The following ERCC8 variants were observed in gnomAD, a reference collection of about 807,000 sequenced individuals.
ERCC8 encodes the protein DNA excision repair protein ERCC-8.
Under a neutral mutation model 54.9 loss-of-function variants are expected in ERCC8, and 52 were observed. That is an observed-to-expected ratio of 0.95 (90% CI 0.76 to 1.19). The LOEUF (loss-of-function observed/expected upper bound fraction) is 1.19, where lower values mean the gene tolerates loss of function less well. Ranked by LOEUF, ERCC8 falls within the 50% of genes most tolerant of loss-of-function variation. The pLI is 0.00. For synonymous variants in ERCC8, 146 were observed against 157.2 expected (o/e 0.93, Z 0.53); for missense variants, 514 against 466.1 (o/e 1.10, Z -0.95).
chr5:60,928,550 CTA>C (rs1749817296), intron 2 of ERCC8, among the ~76,000 whole-genome samples: 1 of 152,098 alleles, frequency 6.6e-6, no homozygotes, highest in Admixed American at 6.6e-5. Flanking sequence ...AGAGTAGCAA[CTA>C]TGTTTTAAAA....
chr5:60,920,954 A>T (rs1251529585), intron 3 of ERCC8, among the ~76,000 whole-genome samples: 3 of 151,900 alleles, frequency 2.0e-5, no homozygotes, highest in Non-Finnish European at 4.4e-5. Context: ...TGAGGGTGGG[A>T]AGAGAGTATA....
intron 5 of ERCC8, 115 bp from the exon 6 acceptor site, chr5:60,903,831 G>T: frequency 2.1e-6 from 2 of 969,402 alleles, no homozygotes; most frequent in East Asian, 2.5e-5. Context: ...GAAATATGAA[G>T]ATATATGCCA....
At chr5:60,904,657 TATATATATATATATATATATATATATAA>T in intron 5 of ERCC8, 107 bp downstream of exon 5, 3 of 135,534 alleles carry the variant, frequency 2.2e-5, no homozygotes, top group Non-Finnish European at 4.2e-5. Flanking sequence ...TATATATATA[TATATATATATATATATATATATATATAA>T]AATTGTGATA....
intron 4 of ERCC8, among the ~76,000 whole-genome samples, chr5:60,912,899 G>A (rs997394857): frequency 1.3e-5 from 2 of 152,104 alleles, no homozygotes; most frequent in Non-Finnish European, 2.9e-5. Context: ...TACGTGTATT[G>A]ATTTGCCTAT....
At chr5:60,932,464 A>T (rs1749935535) in intron 1 of ERCC8, among the ~76,000 whole-genome samples, 1 of 152,188 alleles carries the variant, frequency 6.6e-6, no homozygotes, top group Admixed American at 6.5e-5. Context: ...GGGTGCCTTT[A>T]TGAACGGTAC....
intron 1 of ERCC8, among the ~76,000 whole-genome samples, chr5:60,942,607 A>G (rs753276959): frequency 2.6e-5 from 4 of 152,202 alleles, no homozygotes; most frequent in African/African-American, 4.8e-5. Context: ...CCTAAAGCAG[A>G]TTAGTAGTTT....
chr5:60,903,683 T>C lies in ERCC8; in HGVS notation c.515A>G (p.Asp172Gly). 1.9e-6 allele frequency: 3 copies of C among 1,612,806 alleles called. No individual in the cohort carries two copies. The highest frequency in any genetic ancestry group is 2.5e-6 in the Non-Finnish European group (3 of 1,179,298). The change falls in exon 6 of 12, where the codon GAC becomes GGC. Residue 172 changes from aspartate to glycine, a missense_variant. Asp to Gly is a moderately conservative substitution (Grantham distance 94). Transcript: ENST00000676185. ...GTGAGAACAGGATCCAGACTTCAAGTCACAAAGTTGTACTTTGGGTCCTCT... is the reference window on the plus strand; with the variant it reads ...GTGAGAACAGGATCCAGACTTCAAGCCACAAAGTTGTACTTTGGGTCCTCT... ...GTRGPKVQLC[D>G]LKSGSCSHIL...
chr5:60,874,833 T>C (rs750482217), intron 11 of ERCC8, 150 bp from the exon 12 acceptor site: 223 of 699,294 alleles, frequency 3.2e-4, no homozygotes, highest in Non-Finnish European at 5.0e-4. Context: ...AGAACAAAAA[T>C]AAGAAACAAC....
chr5:60,938,349 A>ATTTTTT lies in ERCC8; in HGVS notation c.77+6582_77+6583insAAAAAA, dbSNP rs1561519358. Among the ~76,000 whole-genome samples the ATTTTTT allele has an allele frequency of 1.8e-5, 2 of 108,768 alleles. 1 individual carries two copies. 71.4% of individuals were successfully genotyped at this position (108,768 alleles called of 152,430 possible). A position where few individuals can be genotyped will look rare whatever the true frequency, so the allele number is the denominator to read the frequency against. On this transcript the variant is annotated intron_variant, in intron 1 of 11. Coordinates refer to ENST00000676185, the MANE Select transcript of ERCC8 (RefSeq NM_000082.4). The stretch of plus-strand genomic sequence containing the variant: ...GGCCTGTAAGATAGCTACCTTTTTG[A>ATTTTTT]ATTTTTTTTTTTTTTTTTTTTTTGA...
chr5:60,894,011 G>GCAA (rs1748649645), intron 9 of ERCC8, among the ~76,000 whole-genome samples: 1 of 141,892 alleles, frequency 7.0e-6, no homozygotes, highest in Admixed American at 7.1e-5. Flanking sequence ...TTGAGACAGA[G>GCAA]TCTTGCTCTG....
Position 60,870,384 on chromosome 5 carries a change from C to A in ERCC8, c.*4231G>T, listed in dbSNP as rs1379951391. Reference sequence around the variant, plus strand: ...TCAGGCCCGGCACGGTGGCTCACGCCTGTAAATCCCAGCACTTTGGGAGGC... The same window carrying A: ...TCAGGCCCGGCACGGTGGCTCACGCATGTAAATCCCAGCACTTTGGGAGGC... On this transcript the variant is annotated 3_prime_UTR_variant, in exon 12 of 12. Coordinates refer to ENST00000676185, the MANE Select transcript of ERCC8 (RefSeq NM_000082.4). Among the ~76,000 whole-genome samples the A allele has an allele frequency of 8.8e-5, 13 of 148,534 alleles. No individual in the cohort carries two copies. The Admixed American group carries it at 8.9e-4, about 10-fold the overall frequency.
chr5:60,909,509 G>A, intron 4 of ERCC8: 1 of 161,216 alleles, frequency 6.2e-6, no homozygotes, highest in Non-Finnish European at 1.3e-5. Context: ...TCCTCCTCCT[G>A]CTCCTTCTCC....
intron 11 of ERCC8, among the ~76,000 whole-genome samples, chr5:60,876,067 C>T (rs1181601127): frequency 2.6e-5 from 4 of 151,808 alleles, no homozygotes; most frequent in East Asian, 1.9e-4. Flanking sequence ...TGTGATGTTC[C>T]CCTTCCTGTG....
rs1580029017 is a variant in ERCC8 at position 60,922,051 on chromosome 5, T to C, written c.275+3A>G. 3 of 1,584,892 alleles carry C rather than the reference T, an allele frequency of 1.9e-6. No individual in the cohort carries two copies. Among genetic ancestry groups the C allele is most frequent in the Non-Finnish European group, 1.7e-6 (2 of 1,156,706 alleles). ...CATAAATTTTTACATTTTAAATACA[T>C]ACCTGCCAATGGAACACACTGCTTT... On this transcript the variant is annotated splice_donor_region_variant and intron_variant, in intron 3 of 11. Transcript: ENST00000676185.
Position 60,874,680 on chromosome 5 carries a change from T to C in ERCC8, c.1126A>G (p.Thr376Ala). 6.2e-7 allele frequency: 1 copy of C among 1,601,504 alleles called. No homozygotes were observed. The highest frequency in any genetic ancestry group is 1.1e-5 in the South Asian group (1 of 87,032). Reference protein sequence around the residue: ...YEPVPDDDETTTKSQLNPAFE... With the variant: ...YEPVPDDDETATKSQLNPAFE... ...GCCGGATTTAATTGTGATTTTGTTG[T>C]AGTCTAAAAAAAAAAAAGATAAAGA... Residue 376 changes from threonine (T) to alanine (A), a missense_variant, in exon 12 of 12, where the codon ACA becomes GCA. Coordinates refer to ENST00000676185, the MANE Select transcript of ERCC8 (RefSeq NM_000082.4).
intron 1 of ERCC8, among the ~76,000 whole-genome samples, chr5:60,932,509 G>A (rs767509925): frequency 6.6e-6 from 1 of 152,178 alleles, no homozygotes; most frequent in Non-Finnish European, 1.5e-5. Flanking sequence ...TCTCTAATGA[G>A]CTTCCCTGAT....
intron 3 of ERCC8, chr5:60,919,584 CT>C (rs1749542629): frequency 6.6e-6 from 1 of 151,924 alleles, no homozygotes; most frequent in Admixed American, 6.6e-5. Context: ...CTCATATTTC[CT>C]TTTTTTCTCT....
Position 60,938,024 on chromosome 5 carries a change from T to TATAC in ERCC8, c.77+6904_77+6907dup, listed in dbSNP as rs771352926. ...ATATGTATGCGTGTGTGTGTGTGTG[T>TATAC]ATACATACATACATACATACATACA... On this transcript the variant is annotated intron_variant, in intron 1 of 11. Coordinates refer to ENST00000676185, the MANE Select transcript of ERCC8 (RefSeq NM_000082.4). 3.3e-3 allele frequency among the ~76,000 whole-genome samples: 274 copies of TATAC among 82,466 alleles called. 3 individuals carry two copies. Among genetic ancestry groups the TATAC allele is most frequent in the East Asian group, 9.2e-3 (12 of 1,310 alleles). 54.1% of individuals were successfully genotyped at this position (82,466 alleles called of 152,430 possible).
At chr5:60,929,902 T>C (rs1749857589) in intron 1 of ERCC8, among the ~76,000 whole-genome samples, 1 of 152,356 alleles carries the variant, frequency 6.6e-6, no homozygotes, top group East Asian at 1.9e-4. Context: ...AAATTCATTA[T>C]TGATTAAAAT....
Sources: allele counts gnomAD v4.1 joint callset (sites outside exome capture counted in the v4.1 genomes callset), GRCh38; gene constraint gnomAD v4.1.1; transcripts MANE v1.5; gene names NCBI Gene and HGNC (gene_info 2026-07-23, HGNC 2026-07-21).